The following CCN4 variants were observed in gnomAD, a reference collection of about 807,000 sequenced individuals.
CCN4 encodes the protein cellular communication network factor 4.
CCN4 carries 30 observed loss-of-function variants against 36.7 expected under a neutral mutation model. That is an observed-to-expected ratio of 0.82 (90% CI 0.61 to 1.11). The LOEUF (loss-of-function observed/expected upper bound fraction) is 1.11. Among genes scored for constraint, CCN4 ranks in the 50% least tolerant of loss-of-function variants. CCN4 has a pLI of 0.00. For missense variants in CCN4, 505 were observed against 504.9 expected, an observed-to-expected ratio of 1.00 and a Z score of 0.00; for synonymous variants, 191 against 195.4, an observed-to-expected ratio of 0.98 and a Z score of 0.19.
At chr8:133,201,623 C>T (rs1000182209) in intron 1 of CCN4, among the ~76,000 whole-genome samples, 2 of 152,124 alleles carry the variant, frequency 1.3e-5, no homozygotes, top group African/African-American at 2.4e-5. Context: ...GGGTGGATCA[C>T]TTGAGGTCAA....
intron 2 of CCN4, among the ~76,000 whole-genome samples, chr8:133,216,042 A>T (rs56032991): frequency 3.1e-3 from 469 of 152,180 alleles, no homozygotes; most frequent in African/African-American, 0.011. Context: ...TCACACACAT[A>T]TGTGCCCACA....
At chr8:133,199,887 T>C (rs11781004) in intron 1 of CCN4, among the ~76,000 whole-genome samples, 36,562 of 152,056 alleles carry the variant, frequency 0.24, 4,829 homozygotes, top group Middle Eastern at 0.33. Context: ...TCTCATCTGA[T>C]GTTCACGAGA....
chr8:133,203,456 T>C (rs964953285), intron 1 of CCN4, among the ~76,000 whole-genome samples: 4 of 152,180 alleles, frequency 2.6e-5, no homozygotes, highest in African/African-American at 9.7e-5. Context: ...TCTGGGTCAA[T>C]AGACCACCTT....
At position 133,225,501 on chromosome 8, in the gene CCN4, T is replaced by C. The variant is rs1854697008; in HGVS notation, c.722T>C (p.Val241Ala). ...GLGVSTRISN[V>A]NAQCWPEQES... Reference sequence around the variant, plus strand: ...GGGGTCTCCACTCGGATCTCCAATGTTAACGCCCAGTGCTGGCCTGAGCAA... The same window carrying C: ...GGGGTCTCCACTCGGATCTCCAATGCTAACGCCCAGTGCTGGCCTGAGCAA... The change falls in exon 4 of 5, where the codon GTT becomes GCT. Residue 241 changes from valine (V) to alanine (A), a missense_variant. Coordinates refer to ENST00000250160, the MANE Select transcript of CCN4 (RefSeq NM_003882.4). 6.2e-7 allele frequency: 1 copy of C among 1,614,022 alleles called. No homozygotes were observed. The highest frequency in any genetic ancestry group is 8.5e-7 in the Non-Finnish European group (1 of 1,180,010).
chr8:133,201,844 A>AAAAAG (rs145650035), intron 1 of CCN4, among the ~76,000 whole-genome samples: 2,027 of 147,606 alleles, frequency 0.014, 49 homozygotes, highest in African/African-American at 0.048. Context: ...TTCAGTCTCA[A>AAAAAG]AAAAGAAAAG....
chr8:133,217,293 T>C (rs1320856527), intron 2 of CCN4, among the ~76,000 whole-genome samples: 2 of 152,200 alleles, frequency 1.3e-5, no homozygotes, highest in Non-Finnish European at 2.9e-5. Context: ...CAACAAGGCA[T>C]GGCCCACTGT....
chr8:133,194,474 T>G (rs1853254072), intron 1 of CCN4, among the ~76,000 whole-genome samples: 3 of 77,250 alleles, frequency 3.9e-5, no homozygotes, highest in African/African-American at 1.1e-4. Context: ...GGGGTGTGTG[T>G]GTGTGTGGTG....
At chr8:133,199,470 A>G (rs1190892145) in intron 1 of CCN4, among the ~76,000 whole-genome samples, 2 of 152,148 alleles carry the variant, frequency 1.3e-5, no homozygotes, top group Non-Finnish European at 2.9e-5. Flanking sequence ...TAGGACTAAG[A>G]AAGAGGACTT....
In CCN4 at chr8:133,191,056, T is replaced by C; in HGVS notation, c.-89T>C. On this transcript the variant is annotated 5_prime_UTR_variant, in exon 1 of 5. The change abolishes an upstream ATG in the 5' untranslated region. Transcript: ENST00000250160. The stretch of plus-strand genomic sequence containing the variant: ...GAAGAGGCATATCTGGTGCTCCTGA[T>C]GGGCCGGCCAGTCTGGGCCCAGCTC... 1.4e-6 allele frequency: 2 copies of C among 1,433,688 alleles called. No individual in the cohort carries two copies. The highest frequency in any genetic ancestry group is 1.7e-5 in the Admixed American group (1 of 57,790). 88.8% of individuals were successfully genotyped at this position (1,433,688 alleles called of 1,614,324 possible).
At chr8:133,195,183 A>G (rs1294252198) in intron 1 of CCN4, among the ~76,000 whole-genome samples, 81 of 78,536 alleles carry the variant, frequency 1.0e-3, no homozygotes, top group African/African-American at 1.5e-3. Flanking sequence ...GTGTTTGTGT[A>G]TGTGGTGTGT....
chr8:133,197,504 C>T (rs1157497541), intron 1 of CCN4, among the ~76,000 whole-genome samples: 1 of 152,136 alleles, frequency 6.6e-6, no homozygotes, highest in Non-Finnish European at 1.5e-5. Flanking sequence ...CACCAGTGAC[C>T]GAGATAGACT....
intron 2 of CCN4, among the ~76,000 whole-genome samples, chr8:133,219,040 C>CTCTCCCACCTGGG (rs1854426862): frequency 6.6e-6 from 1 of 152,174 alleles, no homozygotes; most frequent in Non-Finnish European, 1.5e-5. Context: ...TCAGACCGCT[C>CTCTCCCACCTGGG]TCTCCCACCT....
At chr8:133,225,261 T>TTC in intron 3 of CCN4, 129 bp from the exon 4 acceptor site, 1 of 903,798 alleles carries the variant, frequency 1.1e-6, no homozygotes, top group Non-Finnish European at 1.7e-6. Context: ...CTTGCTGTCC[T>TTC]GTGGGGAGGT....
intron 1 of CCN4, among the ~76,000 whole-genome samples, chr8:133,203,625 G>C (rs1044200421): frequency 3.3e-5 from 5 of 152,214 alleles, no homozygotes; most frequent in Non-Finnish European, 1.5e-5. Flanking sequence ...GAGCAGGTGA[G>C]CACGGCTCCA....
intron 2 of CCN4, among the ~76,000 whole-genome samples, chr8:133,214,386 A>G (rs1186019486): frequency 6.7e-6 from 1 of 148,854 alleles, no homozygotes; most frequent in African/African-American, 2.5e-5. Flanking sequence ...TCACTGCAGT[A>G]TGAGATCAGG....
chr8:133,228,956 G>C lies in CCN4; in HGVS notation c.*1246G>C, dbSNP rs930471900. 4 of 152,182 alleles carry C rather than the reference G, an allele frequency of 2.6e-5. No individual in the cohort carries two copies. Among genetic ancestry groups the C allele is most frequent in the African/African-American group, 4.8e-5 (2 of 41,446 alleles). The allele number at this position is 152,182 out of a possible 1,614,324, so 9.4% of individuals were successfully genotyped here. ...AAAGCTGAAGAGGTTGAAGCTAAAA[G>C]GAAAAGGTTGTTGTTAATGAATATC... On this transcript the variant is annotated 3_prime_UTR_variant, in exon 5 of 5. Coordinates refer to ENST00000250160, the MANE Select transcript of CCN4 (RefSeq NM_003882.4).
intron 2 of CCN4, among the ~76,000 whole-genome samples, chr8:133,219,500 C>A (rs1854440797): frequency 6.6e-6 from 1 of 152,228 alleles, no homozygotes; most frequent in South Asian, 2.1e-4. Flanking sequence ...TACTCACCAG[C>A]AGCACTAGAG....
chr8:133,193,366 G>A (rs1853183675), intron 1 of CCN4, among the ~76,000 whole-genome samples: 1 of 152,232 alleles, frequency 6.6e-6, no homozygotes, highest in Admixed American at 6.5e-5. Context: ...TTCTGCAGTG[G>A]AAGGAGGAAG....
At chr8:133,209,976 T>C (rs17634696) in intron 1 of CCN4, among the ~76,000 whole-genome samples, 14,533 of 152,236 alleles carry the variant, frequency 0.095, 1,041 homozygotes, top group Admixed American at 0.27. Flanking sequence ...CGTCGGACTG[T>C]CTCAGGTTGC....
Sources: allele counts gnomAD v4.1 joint callset (sites outside exome capture counted in the v4.1 genomes callset), GRCh38; gene constraint gnomAD v4.1.1; transcripts MANE v1.5; gene names NCBI Gene and HGNC (gene_info 2026-07-23, HGNC 2026-07-21).